Variants in KIDINS220 observed in about 807,000 individuals in gnomAD.
KIDINS220 encodes the protein kinase D-interacting substrate of 220 kDa.
In KIDINS220, 63 loss-of-function variants were observed where a neutral mutation model predicts 157.6. The observed-to-expected ratio is 0.40, with a 90% CI of 0.33 to 0.49. The LOEUF (loss-of-function observed/expected upper bound fraction) is 0.49, where lower values mean the gene tolerates loss of function less well. KIDINS220 is among the 20% of genes least tolerant of loss of function. The pLI, the probability that KIDINS220 is intolerant of heterozygous loss-of-function variation, is 0.66. For missense variants in KIDINS220, 1,772 were observed against 2,171.2 expected (o/e 0.82, Z 3.65); for synonymous variants, 732 against 783.6 (o/e 0.93, Z 1.10).
intron 1 of KIDINS220, among the ~76,000 whole-genome samples, chr2:8,835,294 C>G (rs1680242703): frequency 6.6e-6 from 1 of 152,174 alleles, no homozygotes; most frequent in African/African-American, 2.4e-5. Flanking sequence ...TTCTGAAGGA[C>G]TTTGCCCACC....
At chr2:8,811,042 T>C (rs67159762) in intron 6 of KIDINS220, among the ~76,000 whole-genome samples, 26,179 of 152,218 alleles carry the variant, frequency 0.17, 2,345 homozygotes, top group Middle Eastern at 0.27. Flanking sequence ...TTTTTACATA[T>C]GTATACACTG....
intron 1 of KIDINS220, among the ~76,000 whole-genome samples, chr2:8,828,866 C>A (rs751895760): frequency 2.6e-4 from 40 of 152,184 alleles, no homozygotes; most frequent in Non-Finnish European, 5.6e-4. Flanking sequence ...TAACTTGATT[C>A]TTGCGTTTCC....
downstream of KIDINS220, chr2:8,726,785 A>G: frequency 2.1e-6 from 1 of 474,720 alleles, no homozygotes; most frequent in South Asian, 1.6e-5. Flanking sequence ...ATAGTATTAG[A>G]ATCTTATGGG....
At chr2:8,777,177 T>G (rs1345623266) in intron 20 of KIDINS220, among the ~76,000 whole-genome samples, 1 of 152,204 alleles carries the variant, frequency 6.6e-6, no homozygotes, top group Non-Finnish European at 1.5e-5. Flanking sequence ...AGATTATAAG[T>G]AGGCAGAATT....
At chr2:8,726,787 T>C (rs573017444), downstream of KIDINS220, 16 of 480,042 alleles carry the variant, frequency 3.3e-5, no homozygotes, top group Admixed American at 5.6e-5. Flanking sequence ...AGTATTAGAA[T>C]CTTATGGGCC....
chr2:8,777,809 G>C (rs187090555), intron 20 of KIDINS220, among the ~76,000 whole-genome samples: 4 of 152,220 alleles, frequency 2.6e-5, no homozygotes, highest in African/African-American at 9.6e-5. Flanking sequence ...GGCACCCAAG[G>C]TTGCCAGGCA....
intron 26 of KIDINS220, among the ~76,000 whole-genome samples, chr2:8,743,698 G>T (rs746001372): frequency 6.6e-6 from 1 of 152,148 alleles, no homozygotes; most frequent in African/African-American, 2.4e-5. Context: ...TGTCCCTCAG[G>T]TAAGTCTCAC....
intron 5 of KIDINS220, 115 bp from the exon 6 acceptor site, chr2:8,812,608 C>T (rs1042837028): frequency 4.5e-6 from 2 of 444,118 alleles, no homozygotes; most frequent in Non-Finnish European, 8.0e-6. Context: ...ATATTTACAA[C>T]ACACATTTGC....
chr2:8,828,427 A>G (rs4669342), intron 1 of KIDINS220, among the ~76,000 whole-genome samples: 63,205 of 152,114 alleles, frequency 0.42, 15,182 homozygotes, highest in East Asian at 0.59. Context: ...CATCCAAAAA[A>G]TGACATATTG....
At chr2:8,748,229 G>T (rs1009956620) in intron 24 of KIDINS220, among the ~76,000 whole-genome samples, 4 of 152,016 alleles carry the variant, frequency 2.6e-5, no homozygotes, top group African/African-American at 4.8e-5. Context: ...TCAGAAAAAT[G>T]AGCAACTAAA....
chr2:8,828,209 G>A (rs928453713), intron 1 of KIDINS220, among the ~76,000 whole-genome samples: 5 of 152,198 alleles, frequency 3.3e-5, no homozygotes, highest in East Asian at 3.9e-4. Context: ...GTCCCACCTC[G>A]CCAGGCCTCT....
chr2:8,733,821 AT>A (rs1664485160), intron 28 of KIDINS220, 141 bp from the exon 29 acceptor site: 2 of 595,938 alleles, frequency 3.4e-6, no homozygotes, highest in Non-Finnish European at 5.6e-6. Flanking sequence ...TTTCTAGTGA[AT>A]TTGTTTTATA....
chr2:8,778,957 A>C lies in KIDINS220; in HGVS notation c.2553T>G (p.Asn851Lys). Reference protein sequence around the residue: ...PVFLNSRGLSNARKFLVTSAT... With the variant: ...PVFLNSRGLSKARKFLVTSAT... ...CTGAAGTTACGAGAAATTTTCTTGC[A>C]TTGCTTAGTCCACGACTATTAAGGA... Residue 851 changes from asparagine to lysine, a missense_variant, in exon 19 of 30, where the codon AAT (asparagine) becomes AAG (lysine). By Grantham distance (94) the Asn-to-Lys change is moderately conservative. Around this residue, in one of 3 missense-constraint regions of KIDINS220, gnomAD observed 725 missense variants for 1,017.1 expected, o/e 0.71. Transcript: ENST00000256707. The C allele has an allele frequency of 6.2e-7, 1 of 1,614,154 alleles. No homozygotes were observed. The highest frequency in any genetic ancestry group is 8.5e-7 in the Non-Finnish European group (1 of 1,180,016).
rs1572580084 is a variant in KIDINS220 at position 8,770,589 on chromosome 2, T to C, written c.3011+81A>G. 1.9e-5 allele frequency: 14 copies of C among 733,694 alleles called. No homozygotes were observed. In the East Asian group the frequency reaches 3.4e-4, roughly 18 times the overall value. The allele number at this position is 733,694 out of a possible 1,614,324, so 45.4% of individuals were successfully genotyped here. A position where few individuals can be genotyped will look rare whatever the true frequency, so the allele number is the denominator to read the frequency against. ...TACATTTTATACATATTATTTTGTA[T>C]TGTCTGCTTTATACGCGTTTTTTTT... is the stretch of plus-strand genomic sequence containing the variant. On this transcript the variant is annotated intron_variant, in intron 22 of 29. Coordinates refer to ENST00000256707, the MANE Select transcript of KIDINS220 (RefSeq NM_020738.4).
Position 8,778,723 on chromosome 2 carries a change from T to C in KIDINS220, c.2619A>G (p.Ile873Met), listed in dbSNP as rs1286101589. The C allele has an allele frequency of 1.6e-5, 26 of 1,613,480 alleles. No homozygotes were observed. The highest frequency in any genetic ancestry group is 2.1e-5 in the Non-Finnish European group (25 of 1,179,510). Residue 873 changes from isoleucine (I) to methionine (M), a missense_variant, in exon 20 of 30, where the codon ATA becomes ATG. This residue lies in a region of KIDINS220 where 725 missense variants were observed against 1,017.1 expected (regional missense o/e 0.71). Transcript: ENST00000256707. Reference sequence around the variant, plus strand: ...AAACTCTTCTGTCAGCATCTTCCTGTATCCCTTAAATAATTTATCAAGACA... The same window carrying C: ...AAACTCTTCTGTCAGCATCTTCCTGCATCCCTTAAATAATTTATCAAGACA... ...GDVPCSDTTGIQEDADRRVSQ... is the reference protein window; with the variant it reads ...GDVPCSDTTGMQEDADRRVSQ...
chr2:8,822,238 T>A (rs559754573), intron 2 of KIDINS220, among the ~76,000 whole-genome samples: 83 of 152,346 alleles, frequency 5.4e-4, no homozygotes, highest in African/African-American at 1.9e-3. Flanking sequence ...CTGGTTTTTT[T>A]AAAGCAGTCC....
At chr2:8,804,449 C>G (rs532167601) in intron 7 of KIDINS220, among the ~76,000 whole-genome samples, 6 of 152,270 alleles carry the variant, frequency 3.9e-5, no homozygotes, top group Admixed American at 6.5e-5. Flanking sequence ...GGCTTCTTCA[C>G]CTCTCCAACA....
At chr2:8,802,103 A>G (rs1306885373) in intron 8 of KIDINS220, among the ~76,000 whole-genome samples, 2 of 152,210 alleles carry the variant, frequency 1.3e-5, no homozygotes, top group Non-Finnish European at 2.9e-5. Context: ...ACATGGCTGC[A>G]GGCTATGAAA....
chr2:8,802,036 T>C (rs1422780105), intron 8 of KIDINS220, among the ~76,000 whole-genome samples: 2 of 152,146 alleles, frequency 1.3e-5, no homozygotes, highest in African/African-American at 4.8e-5. Flanking sequence ...GCACAGCTGC[T>C]GCAAAGGCCC....
Sources: allele counts gnomAD v4.1 joint callset (sites outside exome capture counted in the v4.1 genomes callset), GRCh38; gene constraint gnomAD v4.1.1; regional missense constraint gnomAD v4.1.1; transcripts MANE v1.5; gene names NCBI Gene and HGNC (gene_info 2026-07-23, HGNC 2026-07-21).